XRN2: variants seen among roughly 807,000 people sequenced by gnomAD.
The protein encoded by XRN2 is DHM1-like protein.
XRN2 carries 44 observed loss-of-function variants against 138.5 expected under a neutral mutation model. The observed-to-expected ratio is 0.32, with a 90% CI of 0.25 to 0.41. The LOEUF (loss-of-function observed/expected upper bound fraction) is 0.41, where lower values mean the gene tolerates loss of function less well. Ranked by LOEUF, XRN2 falls within the 10% of genes least tolerant of loss-of-function variation. XRN2 has a pLI of 1.00. For synonymous variants in XRN2, 354 were observed against 369.4 expected, an observed-to-expected ratio of 0.96 and a Z score of 0.48; for missense variants, 937 against 1,169.3, an observed-to-expected ratio of 0.80 and a Z score of 2.90.
At chr20:21,359,350 C>T (rs1311105246) in intron 24 of XRN2, among the ~76,000 whole-genome samples, 1 of 152,062 alleles carries the variant, frequency 6.6e-6, no homozygotes, top group Non-Finnish European at 1.5e-5. Context: ...GCCTGGCCAA[C>T]ATGGTGAAAC....
At chr20:21,387,681 A>C (rs1379465753) in intron 29 of XRN2, among the ~76,000 whole-genome samples, 1 of 152,186 alleles carries the variant, frequency 6.6e-6, no homozygotes, top group Non-Finnish European at 1.5e-5. Context: ...CAGTATTTAC[A>C]TGCTCTTAAT....
chr20:21,377,732 GAGAT>G (rs887694404), intron 27 of XRN2, among the ~76,000 whole-genome samples: 1 of 152,160 alleles, frequency 6.6e-6, no homozygotes, highest in African/African-American at 2.4e-5. Context: ...AAAAGGAAGA[GAGAT>G]AGAGGGCAAG....
intron 1 of XRN2, among the ~76,000 whole-genome samples, chr20:21,321,152 G>A (rs1194699212): frequency 6.6e-6 from 1 of 151,662 alleles, no homozygotes; most frequent in African/African-American, 2.4e-5. Flanking sequence ...AGTAAGCTGG[G>A]ATTACAGGTA....
rs2038222039 is a variant in XRN2, at chr20:21,332,222, T to C, written c.701-61T>C. On this transcript the variant is annotated intron_variant, in intron 8 of 29. Coordinates refer to ENST00000377191, the MANE Select transcript of XRN2 (RefSeq NM_012255.5). Reference sequence around the variant, plus strand: ...TTTGTGTTGGCATCTCATAGTAGTTTATGGTAAGACTTCTCTCAGAATACT... The same window carrying C: ...TTTGTGTTGGCATCTCATAGTAGTTCATGGTAAGACTTCTCTCAGAATACT... 3.9e-6 allele frequency: 6 copies of C among 1,557,808 alleles called. No homozygotes were observed. In the East Asian group the frequency reaches 6.8e-5, roughly 18 times the overall value.
At chr20:21,329,702 G>A (rs1223083341) in intron 4 of XRN2, among the ~76,000 whole-genome samples, 2 of 149,290 alleles carry the variant, frequency 1.3e-5, no homozygotes, top group Non-Finnish European at 2.9e-5. Context: ...GCAGCTAATA[G>A]TGATAGAGAG....
rs150092676 is a variant in XRN2, at chr20:21,334,555, C to T, written c.1233+370C>T. On this transcript the variant is annotated intron_variant, in intron 13 of 29. Transcript: ENST00000377191. The stretch of plus-strand genomic sequence containing the variant: ...AGGAAGACAGGTTAAGAAGAATTGA[C>T]AATGTAGGGAGTGTGGGTTGGATTA... Among the ~76,000 whole-genome samples, 53 of 152,188 alleles carry T rather than the reference C, an allele frequency of 3.5e-4. No individual in the cohort carries two copies. In the East Asian group the frequency reaches 7.9e-3, roughly 23 times the overall value.
intron 1 of XRN2, among the ~76,000 whole-genome samples, chr20:21,313,508 C>G (rs1248600271): frequency 6.6e-6 from 1 of 152,180 alleles, no homozygotes; most frequent in Non-Finnish European, 1.5e-5. Flanking sequence ...ATGTATGTAT[C>G]ACAGAGGGTG....
At position 21,312,602 on chromosome 20, in the gene XRN2, ATTTTTTTTTT is replaced by A. The variant is rs375836250; in HGVS notation, c.75+9144_75+9153del. 2.1e-3 allele frequency among the ~76,000 whole-genome samples: 288 copies of A among 137,132 alleles called. 1 individual carries two copies. Among genetic ancestry groups the A allele is most frequent in the Middle Eastern group, 3.7e-3 (1 of 272 alleles). The allele number at this position is 137,132 out of a possible 152,430, so 90.0% of individuals were successfully genotyped here. Reference sequence around the variant, plus strand: ...CTTCTTGTTAAAACCAAACCCCAAGATTTTTTTTTTTTTTTTTTTTTTTTGAAGACAGAGT... The same window carrying A: ...CTTCTTGTTAAAACCAAACCCCAAGATTTTTTTTTTTTTTGAAGACAGAGT... On this transcript the variant is annotated intron_variant, in intron 1 of 29. Transcript: ENST00000377191.
In XRN2 at chr20:21,368,464, C is replaced by T; in HGVS notation, c.2458C>T (p.His820Tyr). ...LDQAAFRTLG[H>Y]VMPRGSGTGI... ...TTCTTGTGTTGGGTCCTTTTATAGCCATGTGATGCCAAGAGGCTCAGGAAC... is the reference window on the plus strand; with the variant it reads ...TTCTTGTGTTGGGTCCTTTTATAGCTATGTGATGCCAAGAGGCTCAGGAAC... Residue 820 changes from histidine to tyrosine, a missense_variant and splice_region_variant, in exon 27 of 30, where the codon CAT becomes TAT. Physicochemically the swap from His to Tyr is moderately conservative, Grantham distance 83. Transcript: ENST00000377191. 1.9e-6 allele frequency: 3 copies of T among 1,613,674 alleles called. No homozygotes were observed. Among genetic ancestry groups the T allele is most frequent in the Non-Finnish European group, 2.5e-6 (3 of 1,179,836 alleles).
intron 20 of XRN2, among the ~76,000 whole-genome samples, chr20:21,353,031 A>G (rs1047324421): frequency 6.6e-6 from 1 of 151,306 alleles, no homozygotes; most frequent in African/African-American, 2.4e-5. Flanking sequence ...TTGCTTAGTG[A>G]TTTTCTTGCT....
rs2038939794 is a variant in XRN2, at chr20:21,386,720, A to T, written c.2649-148A>T. The T allele has an allele frequency of 3.2e-6, 3 of 937,328 alleles. No individual in the cohort carries two copies. The South Asian group carries it at 6.3e-5, about 20-fold the overall frequency. The allele number at this position is 937,328 out of a possible 1,614,324, so 58.1% of individuals were successfully genotyped here. A position where few individuals can be genotyped will look rare whatever the true frequency, so the allele number is the denominator to read the frequency against. On this transcript the variant is annotated intron_variant, in intron 28 of 29. Transcript: ENST00000377191. The stretch of plus-strand genomic sequence containing the variant: ...TTAGATTATACTGGATATAAGGGAC[A>T]CAAAGGCCATTCTGATACTCTGTAT...
chr20:21,314,962 G>A (rs2037937993), intron 1 of XRN2, among the ~76,000 whole-genome samples: 1 of 152,182 alleles, frequency 6.6e-6, no homozygotes, highest in African/African-American at 2.4e-5. Context: ...CATGCCCGGG[G>A]CAGATAGAGT....
intron 29 of XRN2, 35 bp downstream of exon 29, chr20:21,387,041 C>G: frequency 6.4e-7 from 1 of 1,573,858 alleles, no homozygotes; most frequent in East Asian, 2.3e-5. Context: ...ATACTGCTCA[C>G]TTTATATTTC....
At chr20:21,327,635 A>G (rs1600682399) in intron 3 of XRN2, among the ~76,000 whole-genome samples, 2 of 152,288 alleles carry the variant, frequency 1.3e-5, no homozygotes, top group South Asian at 2.1e-4. Context: ...GCTTTACTCC[A>G]GTGTGTTCTT....
chr20:21,348,913 G>GA (rs2038472215), intron 19 of XRN2, among the ~76,000 whole-genome samples: 1 of 152,124 alleles, frequency 6.6e-6, no homozygotes, highest in Non-Finnish European at 1.5e-5. Flanking sequence ...AAAGTGCTGG[G>GA]ATTACAGGCG....
At chr20:21,329,751 G>A (rs2038177309) in intron 4 of XRN2, among the ~76,000 whole-genome samples, 1 of 151,824 alleles carries the variant, frequency 6.6e-6, no homozygotes, top group Admixed American at 6.6e-5. Flanking sequence ...CCTGATAATT[G>A]TATTTCTTAT....
chr20:21,332,255 C>T (rs62217926), intron 8 of XRN2, 28 bp from the exon 9 acceptor site: 22 of 1,599,224 alleles, frequency 1.4e-5, no homozygotes, highest in Middle Eastern at 1.7e-4. Flanking sequence ...ACTCACTGTT[C>T]GATGTTTTTC....
At chr20:21,313,146 T>C (rs950960686) in intron 1 of XRN2, among the ~76,000 whole-genome samples, 1 of 152,214 alleles carries the variant, frequency 6.6e-6, no homozygotes. Flanking sequence ...AAGTTAGGCT[T>C]TTCCTTAGTG....
At chr20:21,353,177 A>G (rs1373242387) in intron 20 of XRN2, among the ~76,000 whole-genome samples, 2 of 144,760 alleles carry the variant, frequency 1.4e-5, no homozygotes, top group Admixed American at 6.9e-5. Context: ...ATATATGTTT[A>G]TATATATTTT....
Sources: allele counts gnomAD v4.1 joint callset (sites outside exome capture counted in the v4.1 genomes callset), GRCh38; gene constraint gnomAD v4.1.1; transcripts MANE v1.5; gene names NCBI Gene and HGNC (gene_info 2026-07-23, HGNC 2026-07-21).